The following PTCD2 variants were observed in gnomAD, a reference collection of about 807,000 sequenced individuals.
PTCD2 encodes the protein pentatricopeptide repeat domain 2.
In PTCD2, 31 loss-of-function variants were observed where a neutral mutation model predicts 42.6. The observed-to-expected ratio is 0.73, with a 90% CI of 0.55 to 0.98. The LOEUF is 0.98. Ranked by LOEUF, PTCD2 falls within the 50% of genes least tolerant of loss-of-function variation. The pLI, the probability that PTCD2 is intolerant of heterozygous loss-of-function variation, is 0.00. For missense variants in PTCD2, 476 were observed against 454.8 expected (o/e 1.05, Z -0.42); for synonymous variants, 183 against 170.9 (o/e 1.07, Z -0.55).
chr5:72,343,064 A>G lies in PTCD2; in HGVS notation c.828+28A>G, dbSNP rs778702389. 1.5e-5 allele frequency: 19 copies of G among 1,288,328 alleles called. No individual in the cohort carries two copies. The South Asian group carries it at 2.6e-4, about 18-fold the overall frequency. The allele number at this position is 1,288,328 out of a possible 1,614,324, so 79.8% of individuals were successfully genotyped here. ...AAGTGATTTCTTTATGGTTTAAGGT[A>G]AGCCTTGAAATGTATTATAATAAAT... On this transcript the variant is annotated intron_variant, in intron 8 of 9. Coordinates refer to ENST00000380639, the MANE Select transcript of PTCD2 (RefSeq NM_024754.5).
In PTCD2 at chr5:72,365,208, G is replaced by A. The variant is rs1032975576; in HGVS notation, c.*6781G>A. Reference sequence around the variant, plus strand: ...AATCAGGAGAAGAAAGAGAACCAGGGGCCTCTGAGATGGCCTGCAAGGCAT... The same window carrying A: ...AATCAGGAGAAGAAAGAGAACCAGGAGCCTCTGAGATGGCCTGCAAGGCAT... On this transcript the variant is annotated 3_prime_UTR_variant, in exon 10 of 10. Transcript: ENST00000380639. 2.6e-5 allele frequency: 4 copies of A among 152,354 alleles called. No homozygotes were observed. The highest frequency in any genetic ancestry group is 1.9e-4 in the East Asian group (1 of 5,198). The allele number at this position is 152,354 out of a possible 1,614,324, so 9.4% of individuals were successfully genotyped here.
At chr5:72,333,620 C>G (rs1394442112) in intron 4 of PTCD2, among the ~76,000 whole-genome samples, 2 of 152,130 alleles carry the variant, frequency 1.3e-5, no homozygotes, top group Non-Finnish European at 2.9e-5. Context: ...GAGATGTTAG[C>G]AAGATGTTGG....
At chr5:72,333,554 C>A (rs1305906382) in intron 4 of PTCD2, among the ~76,000 whole-genome samples, 2 of 152,096 alleles carry the variant, frequency 1.3e-5, no homozygotes, top group African/African-American at 4.8e-5. Context: ...TTGAGCAAGG[C>A]ATTTAATGAC....
At chr5:72,353,048 C>T (rs571923697) in intron 9 of PTCD2, among the ~76,000 whole-genome samples, 17 of 152,220 alleles carry the variant, frequency 1.1e-4, no homozygotes, top group African/African-American at 4.1e-4. Flanking sequence ...ACACCTTTTT[C>T]CTTTTCCCTC....
intron 3 of PTCD2, among the ~76,000 whole-genome samples, chr5:72,328,849 A>C (rs185452532): frequency 6.6e-6 from 1 of 152,346 alleles, no homozygotes; most frequent in East Asian, 1.9e-4. Context: ...CACCAGTATA[A>C]ATAATGTCAT....
At chr5:72,341,886 C>CA (rs1432209812) in intron 7 of PTCD2, among the ~76,000 whole-genome samples, 4 of 150,070 alleles carry the variant, frequency 2.7e-5, no homozygotes, top group South Asian at 2.1e-4. Flanking sequence ...ACTGAAAATA[C>CA]AAAAAAAAAT....
At chr5:72,348,742 G>C (rs1268391867) in intron 8 of PTCD2, among the ~76,000 whole-genome samples, 1 of 152,224 alleles carries the variant, frequency 6.6e-6, no homozygotes, top group Non-Finnish European at 1.5e-5. Context: ...AATCATTTAT[G>C]TATAAAACTG....
At chr5:72,354,382 GAAAAAAAAAAAAAAAA>G (rs35170727) in intron 9 of PTCD2, among the ~76,000 whole-genome samples, 3 of 29,814 alleles carry the variant, frequency 1.0e-4, no homozygotes, top group African/African-American at 3.0e-4. Context: ...GACTCCATCT[GAAAAAAAAAAAAAAAA>G]AAAAAAAAAA....
intron 3 of PTCD2, 112 bp from the exon 4 acceptor site, chr5:72,331,146 G>A: frequency 1.4e-6 from 1 of 714,158 alleles, no homozygotes; most frequent in Admixed American, 2.0e-5. Context: ...GACTGTGAGA[G>A]GACTTCGTTC....
At chr5:72,326,892 C>A (rs1751168985) in intron 3 of PTCD2, 151 bp downstream of exon 3, 2 of 709,076 alleles carry the variant, frequency 2.8e-6, no homozygotes, top group Non-Finnish European at 4.7e-6. Flanking sequence ...CTCCAGACAC[C>A]TACATTCACT....
chr5:72,331,076 T>A (rs1431777736), intron 3 of PTCD2, among the ~76,000 whole-genome samples, 182 bp from the exon 4 acceptor site: 2 of 152,242 alleles, frequency 1.3e-5, no homozygotes, highest in Admixed American at 6.5e-5. Context: ...TTTAAATGAT[T>A]GGTGTACTTC....
At chr5:72,330,939 G>T (rs1751407615) in intron 3 of PTCD2, among the ~76,000 whole-genome samples, 1 of 152,168 alleles carries the variant, frequency 6.6e-6, no homozygotes, top group Non-Finnish European at 1.5e-5. Context: ...CTAGACTCCT[G>T]CTGTTTCTTA....
In PTCD2 at chr5:72,368,024, GT is replaced by G. The variant is rs1753240842; in HGVS notation, c.*9598del. 1 of 152,152 alleles carries G rather than the reference GT, an allele frequency of 6.6e-6. No individual in the cohort carries two copies. The highest frequency in any genetic ancestry group is 1.5e-5 in the Non-Finnish European group (1 of 68,014). The allele number at this position is 152,152 out of a possible 1,614,324, so 9.4% of individuals were successfully genotyped here. A position where few individuals can be genotyped will look rare whatever the true frequency, so the allele number is the denominator to read the frequency against. ...AGTGGGCCATGAGTCTTGCCCAAAA[GT>G]ATAAATCTTTTTTTCATATGGACTA... On this transcript the variant is annotated 3_prime_UTR_variant, in exon 10 of 10. Transcript: ENST00000380639.
At position 72,359,482 on chromosome 5, in the gene PTCD2, T is replaced by C. The variant is rs1364678798; in HGVS notation, c.*1055T>C. Reference sequence around the variant, plus strand: ...TGCCAAGATTGCTGCAGACTCTTCATTGCCACCTCCAAAACTAAGACTGTT... The same window carrying C: ...TGCCAAGATTGCTGCAGACTCTTCACTGCCACCTCCAAAACTAAGACTGTT... On this transcript the variant is annotated 3_prime_UTR_variant, in exon 10 of 10. Transcript: ENST00000380639. The C allele has an allele frequency of 6.6e-6, 1 of 152,232 alleles. No homozygotes were observed. The highest frequency in any genetic ancestry group is 1.9e-4 in the East Asian group (1 of 5,190). 9.4% of individuals were successfully genotyped at this position (152,232 alleles called of 1,614,324 possible). A position where few individuals can be genotyped will look rare whatever the true frequency, so the allele number is the denominator to read the frequency against.
intron 6 of PTCD2, among the ~76,000 whole-genome samples, chr5:72,338,278 A>G (rs776539201): frequency 4.6e-5 from 7 of 152,372 alleles, no homozygotes; most frequent in African/African-American, 7.2e-5. Flanking sequence ...GCTATTTCAT[A>G]TAGTAGCAGG....
At position 72,360,154 on chromosome 5, in the gene PTCD2, C is replaced by A. The variant is rs1012003466; in HGVS notation, c.*1727C>A. 6.6e-6 allele frequency: 1 copy of A among 151,718 alleles called. No homozygotes were observed. The highest frequency in any genetic ancestry group is 6.6e-5 in the Admixed American group (1 of 15,220). The allele number at this position is 151,718 out of a possible 1,614,324, so 9.4% of individuals were successfully genotyped here. A position where few individuals can be genotyped will look rare whatever the true frequency, so the allele number is the denominator to read the frequency against. On this transcript the variant is annotated 3_prime_UTR_variant, in exon 10 of 10. Transcript: ENST00000380639. ...ACAGCCCCATTTAGAGAAACAAATT[C>A]TCTGCCCTCATAGAATCCTAATTGT...
rs915209019 is a variant in PTCD2 at position 72,361,308 on chromosome 5, G to C, written c.*2881G>C. The C allele has an allele frequency of 3.3e-5, 5 of 152,090 alleles. No individual in the cohort carries two copies. The highest frequency in any genetic ancestry group is 4.8e-5 in the African/African-American group (2 of 41,402). 9.4% of individuals were successfully genotyped at this position (152,090 alleles called of 1,614,324 possible). ...GGCTCAGCCAGACAGTTCTTATTCG[G>C]GTTCTCATGCAGTTATAGTCATCAT... On this transcript the variant is annotated 3_prime_UTR_variant, in exon 10 of 10. Transcript: ENST00000380639.
In PTCD2 at chr5:72,326,688, A is replaced by G. The variant is rs755869092; in HGVS notation, c.297A>G (p.Leu99=). 1.1e-5 allele frequency: 17 copies of G among 1,613,966 alleles called. No homozygotes were observed. Among genetic ancestry groups the G allele is most frequent in the Non-Finnish European group, 1.4e-5 (17 of 1,179,960 alleles). ...TGAAGGGGGAGTTGATAACCTTACT[A>G]CATTTGTGTGAGTCTCGGGACCATG... ...LILKGELITL[L]HLCESRDHVE... Residue 99 remains leucine (L), a synonymous_variant, in exon 3 of 10, where the codon CTA becomes CTG. Transcript: ENST00000380639.
At chr5:72,344,309 C>T (rs573921038) in intron 8 of PTCD2, among the ~76,000 whole-genome samples, 1 of 152,046 alleles carries the variant, frequency 6.6e-6, no homozygotes, top group Non-Finnish European at 1.5e-5. Context: ...GTCAGGAGAT[C>T]GAGATCATCT....
Sources: gnomAD v4.1 joint callset for allele counts (sites outside exome capture counted in the v4.1 genomes callset) on GRCh38, gnomAD v4.1.1 for gene constraint, MANE v1.5 for transcripts, NCBI Gene and HGNC (gene_info 2026-07-23, HGNC 2026-07-21) for gene names.